The following DBH variants were observed in gnomAD, a reference collection of about 807,000 sequenced individuals.
DBH encodes dopamine beta-hydroxylase (dopamine beta-monooxygenase).
DBH carries 49 observed loss-of-function variants against 64.0 expected under a neutral mutation model. The ratio of observed to expected loss-of-function variants is 0.77; its 90% CI spans 0.61 to 0.97. The LOEUF (loss-of-function observed/expected upper bound fraction) is 0.97, where lower values mean the gene tolerates loss of function less well. DBH is among the 50% of genes least tolerant of loss of function. The pLI is 0.00. For missense variants in DBH, 828 were observed against 826.6 expected (o/e 1.00, Z -0.02); for synonymous variants, 343 against 347.1 (o/e 0.99, Z 0.13).
intron 5 of DBH, among the ~76,000 whole-genome samples, chr9:133,646,274 C>T (rs1413342323): frequency 6.6e-6 from 1 of 152,074 alleles, no homozygotes; most frequent in Non-Finnish European, 1.5e-5. Context: ...CTTTCCTGTA[C>T]ATAACCCAGG....
At position 133,651,733 on chromosome 9, in the gene DBH, T is replaced by C. The variant is rs760714083; in HGVS notation, c.1291T>C (p.Trp431Arg). The change falls in exon 7 of 12, where the codon TGG becomes CGG. Residue 431 changes from tryptophan to arginine, a missense_variant. Transcript: ENST00000393056. ...VTVLVRDGRE[W>R]EIVNQDNHYS... ...AGTGCTGGTCCGGGACGGCCGGGAGTGGGAGATCGTGAACCAGGACAATCA... is the reference window on the plus strand; with the variant it reads ...AGTGCTGGTCCGGGACGGCCGGGAGCGGGAGATCGTGAACCAGGACAATCA... 6.2e-7 allele frequency: 1 copy of C among 1,613,320 alleles called. No homozygotes were observed. The highest frequency in any genetic ancestry group is 8.5e-7 in the Non-Finnish European group (1 of 1,179,890).
intron 6 of DBH, among the ~76,000 whole-genome samples, chr9:133,650,551 C>CTTTTTT (rs5901024): frequency 3.1e-4 from 35 of 112,370 alleles, no homozygotes; most frequent in East Asian, 9.6e-4. Flanking sequence ...TCCTTCCTTT[C>CTTTTTT]TTTTTTTTTT....
chr9:133,651,359 G>T (rs1174553188), intron 6 of DBH, among the ~76,000 whole-genome samples: 1 of 151,652 alleles, frequency 6.6e-6, no homozygotes, highest in African/African-American at 2.4e-5. Context: ...GGCTTCAGGG[G>T]CTCAGGAGAG....
rs1554737769 is a variant in DBH at position 133,658,455 on chromosome 9, C to T, written c.*8C>T. ...GGTGGGGGCAAAGGCTGAGGGGGGA[C>T]CTACTCCTCCCCCTCCTCCATGCTG... On this transcript the variant is annotated 3_prime_UTR_variant, in exon 12 of 12. Transcript: ENST00000393056. 2 of 1,601,070 alleles carry T rather than the reference C, an allele frequency of 1.2e-6. No homozygotes were observed. The highest frequency in any genetic ancestry group is 1.7e-5 in the Admixed American group (1 of 58,792).
chr9:133,648,235 C>T (rs768550004), intron 6 of DBH, among the ~76,000 whole-genome samples: 4 of 152,256 alleles, frequency 2.6e-5, no homozygotes, highest in Non-Finnish European at 4.4e-5. Context: ...CCATGGCTCC[C>T]ACTAGTCCAC....
intron 5 of DBH, among the ~76,000 whole-genome samples, chr9:133,646,077 G>A (rs1482790181): frequency 1.3e-5 from 2 of 152,184 alleles, no homozygotes; most frequent in East Asian, 3.8e-4. Flanking sequence ...TTTGAAGTGA[G>A]CACTGGTCAC....
At position 133,658,448 on chromosome 9, in the gene DBH, GGGGGGACCT is replaced by G; in HGVS notation, c.*2_*10del. 1 of 1,605,100 alleles carries G rather than the reference GGGGGGACCT, an allele frequency of 6.2e-7. No homozygotes were observed. The highest frequency in any genetic ancestry group is 8.5e-7 in the Non-Finnish European group (1 of 1,174,390). ...CAGCATTGGTGGGGGCAAAGGCTGA[GGGGGGACCT>G]ACTCCTCCCCCTCCTCCATGCTGTC... On this transcript the variant is annotated 3_prime_UTR_variant, in exon 12 of 12. Transcript: ENST00000393056.
In DBH at chr9:133,651,702, G is replaced by A. The variant is rs778519072; in HGVS notation, c.1260G>A (p.Val420=). 1.1e-5 allele frequency: 17 copies of A among 1,613,846 alleles called. No individual in the cohort carries two copies. In the East Asian group the frequency reaches 3.1e-4, roughly 30 times the overall value. The part of the protein sequence containing the change: ...QLHTHLTGRK[V]VTVLVRDGRE... ...ACACACACCTGACTGGGAGAAAGGTGGTCACAGTGCTGGTCCGGGACGGCC... is the reference window on the plus strand; with the variant it reads ...ACACACACCTGACTGGGAGAAAGGTAGTCACAGTGCTGGTCCGGGACGGCC... The change falls in exon 7 of 12, where the codon GTG becomes GTA. Residue 420 remains valine, a synonymous_variant. Coordinates refer to ENST00000393056, the MANE Select transcript of DBH (RefSeq NM_000787.4).
chr9:133,651,838 G>A (rs1832253373), intron 7 of DBH, 61 bp downstream of exon 7: 3 of 1,477,452 alleles, frequency 2.0e-6, no homozygotes, highest in Admixed American at 2.0e-5. Context: ...CGACCTCCTG[G>A]GTCTACTGTT....
rs371260555 is a variant in DBH, at chr9:133,652,384, TA to T, written c.1374+101del. ...AGAAGGAGAGGGACACAGAAAGTGA[TA>T]GGGGGAGGGAGAGCCATCCAGGGCA... On this transcript the variant is annotated intron_variant, in intron 8 of 11. Transcript: ENST00000393056. 3.3e-4 allele frequency: 478 copies of T among 1,442,936 alleles called. 1 individual carries two copies. The African/African-American group carries it at 4.8e-3, about 15-fold the overall frequency. 89.4% of individuals were successfully genotyped at this position (1,442,936 alleles called of 1,614,324 possible).
At chr9:133,654,244 C>G (rs112918436) in intron 9 of DBH, among the ~76,000 whole-genome samples, 1 of 152,190 alleles carries the variant, frequency 6.6e-6, no homozygotes, top group African/African-American at 2.4e-5. Flanking sequence ...GCTGGGACTA[C>G]AGGCACCCAC....
At chr9:133,657,509 AGAGAGAGAGG>A (rs1164884833) in intron 11 of DBH, among the ~76,000 whole-genome samples, 3 of 149,548 alleles carry the variant, frequency 2.0e-5, no homozygotes, top group Admixed American at 6.6e-5. Context: ...AGAGAGAGAG[AGAGAGAGAGG>A]GAGAGAGAGA....
chr9:133,636,779 G>C, intron 1 of DBH, 69 bp downstream of exon 1: 1 of 1,400,806 alleles, frequency 7.1e-7, no homozygotes, highest in Non-Finnish European at 9.9e-7. Flanking sequence ...CCGTCTTTCT[G>C]CACTCACCCT....
rs3025401 is a variant in DBH at position 133,644,466 on chromosome 9, C to T, written c.1024+146C>T. 0.043 allele frequency: 31,422 copies of T among 737,336 alleles called. 912 individuals carry two copies. Among genetic ancestry groups the T allele is most frequent in the Non-Finnish European group, 0.059 (24,751 of 418,034 alleles). The allele number at this position is 737,336 out of a possible 1,614,324, so 45.7% of individuals were successfully genotyped here. ...ACGAGGCCCTTGCGTCTGCCTCATC[C>T]GCTGTCCATCTTCCATGGCTGTGGT... On this transcript the variant is annotated intron_variant, in intron 5 of 11. Transcript: ENST00000393056.
In DBH at chr9:133,644,129, A is replaced by C. The variant is rs972317159; in HGVS notation, c.922-89A>C. 7.3e-6 allele frequency: 7 copies of C among 959,172 alleles called. No individual in the cohort carries two copies. The African/African-American group carries it at 9.7e-5, about 13-fold the overall frequency. 59.4% of individuals were successfully genotyped at this position (959,172 alleles called of 1,614,324 possible). On this transcript the variant is annotated intron_variant, in intron 4 of 11. Transcript: ENST00000393056. ...GCCCCCTCCACCACCCCTGAGGCTC[A>C]GGCCCCAACAGTTGACTGGGTTTGC...
intron 9 of DBH, chr9:133,655,500 C>G (rs1215986424): frequency 6.6e-6 from 1 of 152,254 alleles, no homozygotes; most frequent in Non-Finnish European, 1.5e-5. Flanking sequence ...AAAACGCGTC[C>G]TGGCCAACAG....
At position 133,647,864 on chromosome 9, in the gene DBH, G is replaced by A; in HGVS notation, c.1043G>A (p.Gly348Asp). ...LVIEGRNDSS[G>D]IRLYYTAKLR... ...CTCCCAGGACGAAACGACTCCTCAG[G>A]CATCCGCTTGTACTACACAGCCAAG... Residue 348 changes from glycine (G) to aspartate (D), a missense_variant, in exon 6 of 12, where the codon GGC (glycine) becomes GAC (aspartate). Transcript: ENST00000393056. 1 of 1,614,192 alleles carries A rather than the reference G, an allele frequency of 6.2e-7. No individual in the cohort carries two copies.
At position 133,658,357 on chromosome 9, in the gene DBH, A is replaced by G; in HGVS notation, c.1764A>G (p.Thr588=). Residue 588 remains threonine, a synonymous_variant, in exon 12 of 12, where the codon ACA becomes ACG. Coordinates refer to ENST00000393056, the MANE Select transcript of DBH (RefSeq NM_000787.4). ...NLQPLPKVIS[T]LEEPTPQCPT... ...AGCCCCTGCCCAAGGTCATCTCCACACTGGAAGAGCCCACCCCACAGTGCC... is the reference window on the plus strand; with the variant it reads ...AGCCCCTGCCCAAGGTCATCTCCACGCTGGAAGAGCCCACCCCACAGTGCC... 3 of 1,613,804 alleles carry G rather than the reference A, an allele frequency of 1.9e-6. No homozygotes were observed. Among genetic ancestry groups the G allele is most frequent in the Non-Finnish European group, 2.5e-6 (3 of 1,179,886 alleles).
rs1832341283 is a variant in DBH, at chr9:133,657,426, A to AGAG, written c.1722+198_1722+200dup. The AGAG allele has an allele frequency of 9.9e-5, 30 of 303,362 alleles. 1 individual carries two copies. Among genetic ancestry groups the AGAG allele is most frequent in the Non-Finnish European group, 1.6e-4 (27 of 166,044 alleles). The allele number at this position is 303,362 out of a possible 1,614,324, so 18.8% of individuals were successfully genotyped here. A position where few individuals can be genotyped will look rare whatever the true frequency, so the allele number is the denominator to read the frequency against. Reference sequence around the variant, plus strand: ...AGAGAGAGGAGAGAGGAGAGAGAGGAGAGAGAGGAGAGAGAGGAGAGAGAG... The same window carrying AGAG: ...AGAGAGAGGAGAGAGGAGAGAGAGGAGAGGAGAGAGGAGAGAGAGGAGAGAGAG... On this transcript the variant is annotated intron_variant, in intron 11 of 11. Transcript: ENST00000393056.
Sources: allele counts gnomAD v4.1 joint callset (sites outside exome capture counted in the v4.1 genomes callset), GRCh38; gene constraint gnomAD v4.1.1; transcripts MANE v1.5; gene names NCBI Gene and HGNC (gene_info 2026-07-23, HGNC 2026-07-21).